The following KRT15 variants were observed in gnomAD, a reference collection of about 807,000 sequenced individuals.
KRT15 encodes keratin, type I cytoskeletal 15.
In KRT15, 45 loss-of-function variants were observed where a neutral mutation model predicts 46.6. The ratio of observed to expected loss-of-function variants is 0.97; its 90% CI spans 0.76 to 1.24. The LOEUF (loss-of-function observed/expected upper bound fraction) is 1.24, where lower values mean the gene tolerates loss of function less well. Ranked by LOEUF, KRT15 falls within the 50% of genes most tolerant of loss-of-function variation. The pLI, the probability that KRT15 is intolerant of heterozygous loss-of-function variation, is 0.00. For synonymous variants in KRT15, 221 were observed against 233.8 expected (o/e 0.95, Z 0.50); for missense variants, 592 against 588.9 (o/e 1.01, Z -0.05).
Position 41,516,157 on chromosome 17 carries a change from C to T in KRT15, c.847G>A (p.Glu283Lys), listed in dbSNP as rs764295675. ...CGGCGGTTCTTCTCCGCCATGGCCTCGTACTGCTCCCTCATCTCTGCCAGC... is the reference window on the plus strand; with the variant it reads ...CGGCGGTTCTTCTCCGCCATGGCCTTGTACTGCTCCCTCATCTCTGCCAGC... ...RVLAEMREQY[E>K]AMAEKNRRDV... is the part of the protein sequence containing the mutation. The change falls in exon 4 of 8, where the codon GAG becomes AAG. Residue 283 changes from glutamate (E) to lysine (K), a missense_variant. Transcript: ENST00000254043. The T allele has an allele frequency of 2.5e-6, 4 of 1,614,224 alleles. No homozygotes were observed. The highest frequency in any genetic ancestry group is 2.5e-6 in the Non-Finnish European group (3 of 1,180,044).
chr17:41,518,262 A>G lies in KRT15; in HGVS notation c.498+68T>C. The G allele has an allele frequency of 4.0e-6, 6 of 1,505,154 alleles. No homozygotes were observed. The South Asian group carries it at 6.5e-5, about 16-fold the overall frequency. The allele number at this position is 1,505,154 out of a possible 1,614,324, so 93.2% of individuals were successfully genotyped here. On this transcript the variant is annotated intron_variant, in intron 1 of 7. Transcript: ENST00000254043. ...AGGATTTCCTTGAGTCAGCAGTAACACTGACATTAGAGCTGTGTACAGGGT... is the reference window on the plus strand; with the variant it reads ...AGGATTTCCTTGAGTCAGCAGTAACGCTGACATTAGAGCTGTGTACAGGGT...
chr17:41,516,602 G>T (rs1352718165), intron 3 of KRT15, among the ~76,000 whole-genome samples: 2 of 152,178 alleles, frequency 1.3e-5, no homozygotes, highest in African/African-American at 4.8e-5. Context: ...GGTTTTGTGG[G>T]GTAGGTGTGT....
intron 5 of KRT15, 80 bp from the exon 6 acceptor site, chr17:41,515,772 G>A (rs1905329111): frequency 7.5e-6 from 12 of 1,596,132 alleles, no homozygotes; most frequent in South Asian, 1.1e-5. Context: ...GCACTGAATG[G>A]AGTTCAGGGA....
chr17:41,513,830 G>C lies in KRT15; in HGVS notation c.*193C>G, dbSNP rs530712321. On this transcript the variant is annotated 3_prime_UTR_variant, in exon 8 of 8. Coordinates refer to ENST00000254043, the MANE Select transcript of KRT15 (RefSeq NM_002275.4). ...TTACACAATACAGCTGCATCTCCTTGCTCCAAAGAAGGTGGGGAGAGGCAG... is the reference window on the plus strand; with the variant it reads ...TTACACAATACAGCTGCATCTCCTTCCTCCAAAGAAGGTGGGGAGAGGCAG... The C allele has an allele frequency of 1.1e-3, 650 of 585,860 alleles. 2 individuals are homozygous for C. The highest frequency in any genetic ancestry group is 1.4e-3 in the Non-Finnish European group (455 of 324,158). The allele number at this position is 585,860 out of a possible 1,614,324, so 36.3% of individuals were successfully genotyped here.
rs79344504 is a variant in KRT15, at chr17:41,515,665, C to G, written c.1054G>C (p.Glu352Gln). The change falls in exon 6 of 8, where the codon GAG becomes CAG. Residue 352 changes from glutamate to glutamine, a missense_variant. Coordinates refer to ENST00000254043, the MANE Select transcript of KRT15 (RefSeq NM_002275.4). ...MKAGLENSLA[E>Q]TECRYATQLQ... ...TGCGTGGCATAGCGGCACTCTGTCT[C>G]GGCCAGTGAGTTCTCCAGCCCAGCT... 1,253 of 1,614,076 alleles carry G rather than the reference C, an allele frequency of 7.8e-4. No homozygotes were observed. Among genetic ancestry groups the G allele is most frequent in the Non-Finnish European group, 9.6e-4 (1,129 of 1,179,992 alleles).
chr17:41,514,770 C>G, intron 6 of KRT15, 96 bp from the exon 7 acceptor site: 1 of 1,292,762 alleles, frequency 7.7e-7, no homozygotes, highest in Non-Finnish European at 1.1e-6. Flanking sequence ...TTCTTCAGAC[C>G]CTACACCACC....
intron 1 of KRT15, 146 bp downstream of exon 1, chr17:41,518,184 G>A (rs1437246231): frequency 2.3e-6 from 2 of 875,168 alleles, no homozygotes; most frequent in Non-Finnish European, 3.4e-6. Flanking sequence ...GACAGCAGGT[G>A]CATTCCAAAT....
intron 6 of KRT15, 107 bp downstream of exon 6, chr17:41,515,365 C>T (rs1905299378): frequency 3.3e-6 from 3 of 915,834 alleles, no homozygotes; most frequent in Middle Eastern, 2.4e-4. Context: ...TCTCTTTTCA[C>T]AGTCCCTCAA....
intron 1 of KRT15, chr17:41,517,595 C>A (rs1488905226): frequency 3.5e-5 from 7 of 202,710 alleles, no homozygotes; most frequent in African/African-American, 1.4e-4. Context: ...ACAGAACATT[C>A]CAGCCAGTAG....
In KRT15 at chr17:41,518,729, C is replaced by T. The variant is rs773920271; in HGVS notation, c.99G>A (p.Gly33=). The change falls in exon 1 of 8, where the codon GGG becomes GGA. Residue 33 remains glycine (G), a synonymous_variant. Coordinates refer to ENST00000254043, the MANE Select transcript of KRT15 (RefSeq NM_002275.4). The part of the protein sequence containing the change: ...LLAGGGGFGG[G]SLSGGGGSRS... ...GGCTTCCACCTCCCCCAGAGAGACT[C>T]CCCCCACCAAAGCCACCTCCCCCAG... 5 of 1,510,646 alleles carry T rather than the reference C, an allele frequency of 3.3e-6. No homozygotes were observed. The South Asian group carries it at 5.6e-5, about 17-fold the overall frequency. The allele number at this position is 1,510,646 out of a possible 1,614,324, so 93.6% of individuals were successfully genotyped here. A position where few individuals can be genotyped will look rare whatever the true frequency, so the allele number is the denominator to read the frequency against.
chr17:41,517,966 C>T (rs1212523412), intron 1 of KRT15, among the ~76,000 whole-genome samples: 2 of 152,128 alleles, frequency 1.3e-5, no homozygotes, highest in Non-Finnish European at 2.9e-5. Context: ...ACAGTCATAG[C>T]TCACTGCAGC....
chr17:41,514,208 T>C, intron 7 of KRT15, 88 bp from the exon 8 acceptor site: 1 of 976,214 alleles, frequency 1.0e-6, no homozygotes, highest in South Asian at 1.3e-5. Flanking sequence ...CTGGGAAAAC[T>C]AGACAGCACC....
At chr17:41,515,829 G>T in intron 5 of KRT15, 56 bp downstream of exon 5, 1 of 1,612,924 alleles carries the variant, frequency 6.2e-7, no homozygotes, top group Non-Finnish European at 8.5e-7. Context: ...AAATAGCCAG[G>T]AAGAGTGGGA....
intron 6 of KRT15, 151 bp from the exon 7 acceptor site, chr17:41,514,825 G>A (rs1299823399): frequency 3.1e-6 from 2 of 648,888 alleles, no homozygotes; most frequent in African/African-American, 3.7e-5. Flanking sequence ...CATCCTGCTA[G>A]CCCATCCAGG....
rs150705394 is a variant in KRT15 at position 41,515,536 on chromosome 17, T to C, written c.1183A>G (p.Ile395Val). Residue 395 changes from isoleucine to valine, a missense_variant, in exon 6 of 8, where the codon ATA (isoleucine) becomes GTA (valine). Transcript: ENST00000254043. Reference sequence around the variant, plus strand: ...ATCTCCTGCTCCAGCCGTGTCTTTATGTCAAGCAGCATCTTGTACTCCTGG... The same window carrying C: ...ATCTCCTGCTCCAGCCGTGTCTTTACGTCAAGCAGCATCTTGTACTCCTGG... The part of the protein sequence containing the change: ...QNQEYKMLLD[I>V]KTRLEQEIAT... 10 of 1,614,126 alleles carry C rather than the reference T, an allele frequency of 6.2e-6. No homozygotes were observed. The highest frequency in any genetic ancestry group is 8.5e-6 in the Non-Finnish European group (10 of 1,180,040).
In KRT15 at chr17:41,518,727, C is replaced by T. The variant is rs1329875866; in HGVS notation, c.101G>A (p.Ser34Asn). 4.4e-6 allele frequency: 7 copies of T among 1,606,636 alleles called. No individual in the cohort carries two copies. The highest frequency in any genetic ancestry group is 6.0e-6 in the Non-Finnish European group (7 of 1,175,536). The part of the protein sequence containing the change: ...LAGGGGFGGG[S>N]LSGGGGSRSI... ...TCGGCTTCCACCTCCCCCAGAGAGA[C>T]TCCCCCCACCAAAGCCACCTCCCCC... The change falls in exon 1 of 8, where the codon AGT (serine) becomes AAT (asparagine). Residue 34 changes from serine (S) to asparagine (N), a missense_variant. Physicochemically the swap from Ser to Asn is conservative, Grantham distance 46. Transcript: ENST00000254043.
chr17:41,515,657 C>G lies in KRT15; in HGVS notation c.1062G>C (p.Glu354Asp), dbSNP rs1567718102. The G allele has an allele frequency of 3.1e-6, 5 of 1,614,192 alleles. No individual in the cohort carries two copies. The highest frequency in any genetic ancestry group is 4.2e-6 in the Non-Finnish European group (5 of 1,180,032). The change falls in exon 6 of 8, where the codon GAG (glutamate) becomes GAC (aspartate). Residue 354 changes from glutamate (E) to aspartate (D), a missense_variant. Transcript: ENST00000254043. ...GCTGCAGCTGCGTGGCATAGCGGCA[C>G]TCTGTCTCGGCCAGTGAGTTCTCCA... Reference protein sequence around the residue: ...AGLENSLAETECRYATQLQQI... With the variant: ...AGLENSLAETDCRYATQLQQI...
At chr17:41,517,882 G>A (rs1225709478) in intron 1 of KRT15, among the ~76,000 whole-genome samples, 1 of 152,082 alleles carries the variant, frequency 6.6e-6, no homozygotes, top group South Asian at 2.1e-4. Flanking sequence ...AGGGCGAGTT[G>A]CTCTTTTTTT....
At chr17:41,515,100 C>CA (rs1258838514) in intron 6 of KRT15, 2 of 308,608 alleles carry the variant, frequency 6.5e-6, no homozygotes, top group Non-Finnish European at 1.2e-5. Context: ...CTCCTGACCT[C>CA]AAGTGATCCA....
Sources: allele counts gnomAD v4.1 joint callset (sites outside exome capture counted in the v4.1 genomes callset), GRCh38; gene constraint gnomAD v4.1.1; transcripts MANE v1.5; gene names NCBI Gene and HGNC (gene_info 2026-07-23, HGNC 2026-07-21).